HAO1: variants seen among roughly 807,000 people sequenced by gnomAD.
The protein encoded by HAO1 is 2-Hydroxyacid oxidase 1.
Under a neutral mutation model 39.7 loss-of-function variants are expected in HAO1, and 34 were observed. That is an observed-to-expected ratio of 0.86 (90% CI 0.65 to 1.14). The LOEUF (loss-of-function observed/expected upper bound fraction) is 1.14. HAO1 is among the 50% of genes most tolerant of loss of function. The pLI is 0.00. For synonymous variants in HAO1, 172 were observed against 173.2 expected, an observed-to-expected ratio of 0.99 and a Z score of 0.05; for missense variants, 479 against 464.5, an observed-to-expected ratio of 1.03 and a Z score of -0.29.
intron 2 of HAO1, among the ~76,000 whole-genome samples, chr20:7,924,339 C>T (rs2050349536): frequency 6.6e-6 from 1 of 152,032 alleles, no homozygotes. Flanking sequence ...GAAGAGAGCG[C>T]TTACTCAAAG....
chr20:7,884,902 A>G (rs371171389), intron 7 of HAO1, among the ~76,000 whole-genome samples: 15 of 152,310 alleles, frequency 9.8e-5, no homozygotes, highest in African/African-American at 3.6e-4. Flanking sequence ...ATAGGTGAGA[A>G]TAGACGTGCC....
At chr20:7,934,417 C>G in intron 2 of HAO1, 67 bp downstream of exon 2, 1 of 1,164,150 alleles carries the variant, frequency 8.6e-7, no homozygotes, top group Non-Finnish European at 1.2e-6. Flanking sequence ...TTGCTTGGTG[C>G]ATTCAGAGAA....
Position 7,909,379 on chromosome 20 carries a change from G to GTATA in HAO1, c.546-3054_546-3051dup, listed in dbSNP as rs869068490. On this transcript the variant is annotated intron_variant, in intron 3 of 7. Transcript: ENST00000378789. The stretch of plus-strand genomic sequence containing the variant: ...TTATGACATATATATATATATATAT[G>GTATA]TATATATATATATATATATATATAT... Among the ~76,000 whole-genome samples the GTATA allele has an allele frequency of 7.1e-3, 766 of 108,204 alleles. 10 individuals are homozygous for GTATA. Among genetic ancestry groups the GTATA allele is most frequent in the Middle Eastern group, 0.031 (6 of 194 alleles). The allele number at this position is 108,204 out of a possible 152,430, so 71.0% of individuals were successfully genotyped here.
chr20:7,926,246 C>T (rs1365465956), intron 2 of HAO1, among the ~76,000 whole-genome samples: 1 of 152,134 alleles, frequency 6.6e-6, no homozygotes, highest in Admixed American at 6.6e-5. Context: ...TACTGTCAAA[C>T]AGAATGAGAA....
intron 2 of HAO1, among the ~76,000 whole-genome samples, chr20:7,933,064 C>A (rs530979466): frequency 2.2e-4 from 34 of 152,036 alleles, no homozygotes; most frequent in Non-Finnish European, 4.1e-4. Flanking sequence ...ATTTCCATGT[C>A]TTTGCTTATT....
In HAO1 at chr20:7,934,645, AAAAAT is replaced by A; in HGVS notation, c.138-15_138-11del. 8 of 1,549,920 alleles carry A rather than the reference AAAAAT, an allele frequency of 5.2e-6. No individual in the cohort carries two copies. The highest frequency in any genetic ancestry group is 1.7e-4 in the Middle Eastern group (1 of 5,790). On this transcript the variant is annotated splice_polypyrimidine_tract_variant and intron_variant, in intron 1 of 7. Transcript: ENST00000378789. ...TGGATACAGCTTCCATCTAGAATTA[AAAAAT>A]AAAATAAAATAAAAGGCTTTAGAGT...
intron 2 of HAO1, among the ~76,000 whole-genome samples, chr20:7,930,152 C>T (rs1365642683): frequency 1.3e-5 from 2 of 152,016 alleles, no homozygotes; most frequent in Admixed American, 6.6e-5. Flanking sequence ...ATAACTAACC[C>T]GTTTTCTGAA....
intron 2 of HAO1, among the ~76,000 whole-genome samples, chr20:7,916,168 A>T (rs915638303): frequency 1.3e-5 from 2 of 152,184 alleles, no homozygotes; most frequent in Admixed American, 6.5e-5. Context: ...TTCTTCCAAA[A>T]ATTGGTAGTA....
chr20:7,883,914 A>C (rs2050139269), intron 7 of HAO1, among the ~76,000 whole-genome samples: 1 of 152,210 alleles, frequency 6.6e-6, no homozygotes, highest in Non-Finnish European at 1.5e-5. Flanking sequence ...TCAGTGACTG[A>C]AAGCTCTCTT....
At chr20:7,935,543 G>C (rs1034495606) in intron 1 of HAO1, among the ~76,000 whole-genome samples, 7 of 152,144 alleles carry the variant, frequency 4.6e-5, no homozygotes, top group African/African-American at 1.7e-4. Context: ...ATTCATTAAA[G>C]TCTAATGATG....
Position 7,883,591 on chromosome 20 carries a change from T to C in HAO1, c.*2A>G. ...ATACAGATGGGAAAATATTGTGCACTGTCAGATCTTGGAAACGGCCAAAGG... is the reference window on the plus strand; with the variant it reads ...ATACAGATGGGAAAATATTGTGCACCGTCAGATCTTGGAAACGGCCAAAGG... On this transcript the variant is annotated 3_prime_UTR_variant, in exon 8 of 8. Transcript: ENST00000378789. The C allele has an allele frequency of 6.3e-7, 1 of 1,597,586 alleles. No homozygotes were observed. The highest frequency in any genetic ancestry group is 8.6e-7 in the Non-Finnish European group (1 of 1,164,992).
At chr20:7,917,223 C>T (rs183002173) in intron 2 of HAO1, among the ~76,000 whole-genome samples, 59 of 151,928 alleles carry the variant, frequency 3.9e-4, no homozygotes, top group African/African-American at 1.4e-3. Flanking sequence ...GCCTGTAATC[C>T]CAGCTACTCA....
chr20:7,885,916 T>G, intron 5 of HAO1, 52 bp from the exon 6 acceptor site: 1 of 1,490,764 alleles, frequency 6.7e-7, no homozygotes, highest in Non-Finnish European at 9.3e-7. Flanking sequence ...GAATTGTTAT[T>G]CAACTCCACC....
intron 4 of HAO1, among the ~76,000 whole-genome samples, chr20:7,900,618 G>T (rs1417826182): frequency 1.3e-5 from 2 of 152,200 alleles, no homozygotes; most frequent in South Asian, 4.1e-4. Flanking sequence ...AACTTAATAA[G>T]TGTGTGTATT....
chr20:7,896,914 T>A (rs538748961), intron 4 of HAO1, among the ~76,000 whole-genome samples: 67 of 152,292 alleles, frequency 4.4e-4, no homozygotes, highest in African/African-American at 1.5e-3. Flanking sequence ...CAGCTTTGAG[T>A]TTGCTCTTCT....
At chr20:7,921,288 G>A (rs924858703) in intron 2 of HAO1, among the ~76,000 whole-genome samples, 1 of 152,076 alleles carries the variant, frequency 6.6e-6, no homozygotes, top group Non-Finnish European at 1.5e-5. Flanking sequence ...TAAAAAGTGG[G>A]CAAAGGACAT....
chr20:7,936,550 G>GTGTGTGTGTGTGTGTGTGTGTT (rs1292549632), intron 1 of HAO1, among the ~76,000 whole-genome samples: 119 of 141,102 alleles, frequency 8.4e-4, no homozygotes, highest in Middle Eastern at 3.6e-3. Flanking sequence ...GTGTGTGTTC[G>GTGTGTGTGTGTGTGTGTGTGTT]CGCGCGCGCG....
chr20:7,883,600 T>G lies in HAO1; in HGVS notation c.1106A>C (p.Lys369Thr). 6.2e-7 allele frequency: 1 copy of G among 1,611,654 alleles called. No individual in the cohort carries two copies. Among genetic ancestry groups the G allele is most frequent in the Non-Finnish European group, 8.5e-7 (1 of 1,177,796 alleles). The change falls in exon 8 of 8, where the codon AAG becomes ACG. Residue 369 changes from lysine to threonine, a missense_variant. Transcript: ENST00000378789. ...LVRKNPLAVS[K>T]I ...GGAAAATATTGTGCACTGTCAGATC[T>G]TGGAAACGGCCAAAGGATTTTTCCT...
intron 7 of HAO1, 97 bp from the exon 8 acceptor site, chr20:7,883,760 G>C: frequency 9.5e-7 from 1 of 1,050,658 alleles, no homozygotes; most frequent in Non-Finnish European, 1.5e-6. Flanking sequence ...ACAAATGTAA[G>C]GTTTATGATT....
Sources: gnomAD v4.1 joint callset for allele counts (sites outside exome capture counted in the v4.1 genomes callset) on GRCh38, gnomAD v4.1.1 for gene constraint, MANE v1.5 for transcripts, NCBI Gene and HGNC (gene_info 2026-07-23, HGNC 2026-07-21) for gene names.